The following DGKI variants were observed in gnomAD, a reference collection of about 807,000 sequenced individuals.
DGKI encodes the protein DAG kinase iota.
Under a neutral mutation model 147.5 loss-of-function variants are expected in DGKI, and 55 were observed. The ratio of observed to expected loss-of-function variants is 0.37; its 90% confidence interval spans 0.30 to 0.47. The LOEUF (loss-of-function observed/expected upper bound fraction) is 0.47. Among genes scored for constraint, DGKI ranks in the 20% least tolerant of loss-of-function variants. The pLI, the probability that DGKI is intolerant of heterozygous loss-of-function variation, is 1.00. For missense variants in DGKI, 1,007 were observed against 1,323.8 expected (o/e 0.76, Z 3.71); for synonymous variants, 469 against 477.1 (o/e 0.98, Z 0.22).
At chr7:137,674,539 G>A (rs1051528723) in intron 3 of DGKI, among the ~76,000 whole-genome samples, 1 of 152,140 alleles carries the variant, frequency 6.6e-6, no homozygotes, top group Admixed American at 6.5e-5. Context: ...TCTTGGTTTA[G>A]ACAATGTATT....
intron 1 of DGKI, among the ~76,000 whole-genome samples, chr7:137,740,214 T>A (rs192740261): frequency 2.0e-5 from 3 of 152,330 alleles, no homozygotes; most frequent in Admixed American, 6.5e-5. Context: ...TTCTTGGGAA[T>A]AAGTTTAAAG....
chr7:137,618,410 A>G (rs939623273), intron 8 of DGKI, among the ~76,000 whole-genome samples: 4 of 151,140 alleles, frequency 2.6e-5, no homozygotes, highest in African/African-American at 2.4e-5. Context: ...TCTACTCCAC[A>G]GACCTAAATC....
intron 28 of DGKI, among the ~76,000 whole-genome samples, chr7:137,417,177 C>G (rs1312107700): frequency 6.6e-6 from 1 of 152,118 alleles, no homozygotes; most frequent in Non-Finnish European, 1.5e-5. Flanking sequence ...TCTCAAAACT[C>G]CTTCATACTA....
intron 17 of DGKI, among the ~76,000 whole-genome samples, chr7:137,576,716 G>A (rs1206714881): frequency 6.6e-6 from 1 of 152,140 alleles, no homozygotes; most frequent in African/African-American, 2.4e-5. Context: ...GTGGGAGAGT[G>A]AGTCACCACA....
In DGKI at chr7:137,569,728, C is replaced by CA. The variant is rs60719355; in HGVS notation, c.1947+1446dup. On this transcript the variant is annotated intron_variant, in intron 19 of 32. Transcript: ENST00000614521. ...TGGGCAACAGAGTGAGACTCTGTCT[C>CA]AAAAAAAAAAAAAAAAAAAAAAAAA... 8.5e-3 allele frequency among the ~76,000 whole-genome samples: 552 copies of CA among 64,602 alleles called. 87 individuals are homozygous for CA. Among genetic ancestry groups the CA allele is most frequent in the Non-Finnish European group, 0.013 (439 of 34,842 alleles). The allele number at this position is 64,602 out of a possible 152,430, so 42.4% of individuals were successfully genotyped here. A position where few individuals can be genotyped will look rare whatever the true frequency, so the allele number is the denominator to read the frequency against.
chr7:137,835,460 AAAATG>A (rs1798348703), intron 1 of DGKI, among the ~76,000 whole-genome samples: 2 of 152,220 alleles, frequency 1.3e-5, no homozygotes, highest in East Asian at 3.8e-4. Context: ...AATTGCTATA[AAAATG>A]AAATACTATT....
chr7:137,409,289 C>G (rs1812076214), intron 29 of DGKI, among the ~76,000 whole-genome samples: 1 of 152,174 alleles, frequency 6.6e-6, no homozygotes, highest in Non-Finnish European at 1.5e-5. Context: ...CGTCTTCACT[C>G]AAATACATCC....
At chr7:137,571,345 G>GAGA in intron 18 of DGKI, 59 bp from the exon 19 acceptor site, 4 of 1,261,020 alleles carry the variant, frequency 3.2e-6, no homozygotes, top group African/African-American at 1.5e-5. Flanking sequence ...TGACTATCAT[G>GAGA]AGGTGTTAGT....
chr7:137,569,728 CAAAAAAAAA>C (rs60719355), intron 19 of DGKI, among the ~76,000 whole-genome samples: 3 of 64,614 alleles, frequency 4.6e-5, no homozygotes, highest in African/African-American at 1.4e-4. Flanking sequence ...GACTCTGTCT[CAAAAAAAAA>C]AAAAAAAAAA....
intron 12 of DGKI, among the ~76,000 whole-genome samples, chr7:137,587,829 ATAAT>A (rs1409326428): frequency 1.3e-5 from 2 of 152,216 alleles, no homozygotes; most frequent in East Asian, 3.8e-4. Context: ...TTATGAAAAC[ATAAT>A]TATGGACAGA....
chr7:137,650,122 G>GGTCATAGTCAGTGA (rs1435122426), intron 5 of DGKI, among the ~76,000 whole-genome samples: 25 of 152,120 alleles, frequency 1.6e-4, no homozygotes, highest in Admixed American at 3.9e-4. Flanking sequence ...ATATCAAATG[G>GGTCATAGTCAGTGA]GTCATAGTCA....
rs1375054210 is a variant in DGKI at position 137,846,439 on chromosome 7, G to A, written c.401+23C>T. 13 of 1,552,986 alleles carry A rather than the reference G, an allele frequency of 8.4e-6. No homozygotes were observed. The highest frequency in any genetic ancestry group is 4.2e-5 in the African/African-American group (3 of 72,258). On this transcript the variant is annotated intron_variant, in intron 1 of 32. Transcript: ENST00000614521. This position sits in a 1 kb window ranked among gnomAD's most constrained non-coding sequence, Gnocchi z 4.0. ...TCTCCCGCCGCGGCGCACCTGTCTC[G>A]GCTGCCGGCTCCCCGCACCTACCTG...
At chr7:137,839,645 G>A (rs1018751431) in intron 1 of DGKI, among the ~76,000 whole-genome samples, 1 of 152,162 alleles carries the variant, frequency 6.6e-6, no homozygotes, top group South Asian at 2.1e-4. Context: ...AGGTAGCAGG[G>A]CTCTTCACCA....
chr7:137,794,426 T>C (rs546242306), intron 1 of DGKI, among the ~76,000 whole-genome samples: 9 of 152,320 alleles, frequency 5.9e-5, no homozygotes, highest in Admixed American at 5.9e-4. Flanking sequence ...CAAATGAACA[T>C]TAAATAGATG....
At chr7:137,422,453 C>G (rs866161025) in intron 28 of DGKI, among the ~76,000 whole-genome samples, 1 of 151,888 alleles carries the variant, frequency 6.6e-6, no homozygotes, top group Admixed American at 6.6e-5. Context: ...TACAGCTATT[C>G]CCTTAAAACT....
At chr7:137,467,047 C>A in intron 24 of DGKI, 105 bp from the exon 25 acceptor site, 1 of 1,054,568 alleles carries the variant, frequency 9.5e-7, no homozygotes, top group South Asian at 1.3e-5. Context: ...ACATGGCAGT[C>A]ATGCTAGTCT....
At chr7:137,563,279 A>T (rs1044637444) in intron 19 of DGKI, among the ~76,000 whole-genome samples, 1 of 134,716 alleles carries the variant, frequency 7.4e-6, no homozygotes, top group African/African-American at 3.5e-5. Context: ...GGACACTAAT[A>T]AAAAAAAACT....
In DGKI at chr7:137,418,216, T is replaced by C. The variant is rs373136623; in HGVS notation, c.2762-6009A>G. Among the ~76,000 whole-genome samples, 3 of 152,190 alleles carry C rather than the reference T, an allele frequency of 2.0e-5. No individual in the cohort carries two copies. In the East Asian group the frequency reaches 5.8e-4, roughly 29 times the overall value. ...GTGAGTATCACTAACTGCTATGACC[T>C]TGGGCAAGTTAGTTTACCAAGCTCC... On this transcript the variant is annotated intron_variant, in intron 28 of 32. Coordinates refer to ENST00000614521, the MANE Select transcript of DGKI (RefSeq NM_001321708.2).
chr7:137,510,828 C>A (rs1046421146), intron 21 of DGKI, among the ~76,000 whole-genome samples: 1 of 152,186 alleles, frequency 6.6e-6, no homozygotes, highest in African/African-American at 2.4e-5. Context: ...CCCCAAGCCT[C>A]TTTTGGGAAA....
Sources: gnomAD v4.1 joint callset for allele counts (sites outside exome capture counted in the v4.1 genomes callset) on GRCh38, gnomAD v4.1.1 for gene constraint, Gnocchi (gnomAD v3.1) non-coding constraint, MANE v1.5 for transcripts, NCBI Gene and HGNC (gene_info 2026-07-23, HGNC 2026-07-21) for gene names.